Variants in SGCZ observed in about 807,000 individuals in gnomAD.
The protein encoded by SGCZ is zeta-sarcoglycan.
A neutral mutation model predicts 41.3 loss-of-function variants in SGCZ; 40 were observed. The observed-to-expected ratio is 0.97, with a 90% confidence interval of 0.75 to 1.26. The LOEUF (loss-of-function observed/expected upper bound fraction) is 1.26, where lower values mean the gene tolerates loss of function less well. Among genes scored for constraint, SGCZ ranks in the 50% most tolerant of loss-of-function variants. The pLI, the probability that SGCZ is intolerant of heterozygous loss-of-function variation, is 0.00. For missense variants in SGCZ, 552 were observed against 369.8 expected (o/e 1.49, Z -4.04); for synonymous variants, 206 against 137.5 (o/e 1.50, Z -3.49).
At chr8:14,838,084 C>G (rs966744490) in intron 1 of SGCZ, among the ~76,000 whole-genome samples, 1 of 151,982 alleles carries the variant, frequency 6.6e-6, no homozygotes, top group African/African-American at 2.4e-5. Context: ...TGAAATAATC[C>G]AGGCACAGAA....
At chr8:14,930,260 G>A (rs568990400) in intron 1 of SGCZ, among the ~76,000 whole-genome samples, 1 of 152,042 alleles carries the variant, frequency 6.6e-6, no homozygotes, top group African/African-American at 2.4e-5. Flanking sequence ...ATTGTCTAGA[G>A]AAATGCAAAT....
chr8:14,721,865 C>CTGTGCACA (rs59164388), intron 1 of SGCZ, among the ~76,000 whole-genome samples: 13,800 of 152,078 alleles, frequency 0.091, 1,369 homozygotes, highest in African/African-American at 0.25. Flanking sequence ...CCTACTCTCT[C>CTGTGCACA]TGTGCACAAC....
intron 1 of SGCZ, among the ~76,000 whole-genome samples, chr8:14,718,872 T>C (rs1014734340): frequency 1.6e-5 from 2 of 121,886 alleles, no homozygotes; most frequent in Non-Finnish European, 3.2e-5. Context: ...ATTATTATTA[T>C]ACTTTGTTTT....
intron 1 of SGCZ, among the ~76,000 whole-genome samples, chr8:14,670,463 T>A (rs949418497): frequency 2.6e-5 from 4 of 152,200 alleles, no homozygotes; most frequent in African/African-American, 9.6e-5. Flanking sequence ...TAATTGTGTT[T>A]GCAAGAACAA....
At chr8:15,187,613 A>G (rs1800386104) in intron 1 of SGCZ, among the ~76,000 whole-genome samples, 1 of 152,000 alleles carries the variant, frequency 6.6e-6, no homozygotes, top group Admixed American at 6.5e-5. Context: ...AGAACTTTTT[A>G]TTATAATAAT....
At chr8:14,810,297 T>C (rs1172204713) in intron 1 of SGCZ, among the ~76,000 whole-genome samples, 1 of 152,060 alleles carries the variant, frequency 6.6e-6, no homozygotes, top group Non-Finnish European at 1.5e-5. Flanking sequence ...TTGTGTTTGT[T>C]AGCCTGAAGT....
intron 2 of SGCZ, among the ~76,000 whole-genome samples, chr8:14,497,032 A>G (rs1235586181): frequency 1.3e-5 from 2 of 152,178 alleles, no homozygotes; most frequent in Admixed American, 6.5e-5. Flanking sequence ...TTGCAGTAGA[A>G]TTAACACTGA....
At chr8:14,393,842 C>T (rs966482491) in intron 2 of SGCZ, among the ~76,000 whole-genome samples, 1 of 152,128 alleles carries the variant, frequency 6.6e-6, no homozygotes, top group African/African-American at 2.4e-5. Context: ...CTTACAGATT[C>T]TAATGAACTC....
intron 1 of SGCZ, among the ~76,000 whole-genome samples, chr8:14,949,345 C>A (rs1052772149): frequency 6.6e-6 from 1 of 151,976 alleles, no homozygotes; most frequent in African/African-American, 2.4e-5. Flanking sequence ...TTAAAGTATG[C>A]AAATTGAATT....
intron 1 of SGCZ, among the ~76,000 whole-genome samples, chr8:14,563,433 G>A (rs556856269): frequency 6.6e-6 from 1 of 152,270 alleles, no homozygotes; most frequent in African/African-American, 2.4e-5. Context: ...AGTCGTTAAG[G>A]AAATGTACAA....
intron 1 of SGCZ, among the ~76,000 whole-genome samples, chr8:14,972,035 T>C (rs957656385): frequency 1.3e-5 from 2 of 152,324 alleles, no homozygotes; most frequent in Non-Finnish European, 1.5e-5. Flanking sequence ...TTTCGGGTTA[T>C]TACTGGCTTC....
chr8:15,207,242 A>C (rs937818344), intron 1 of SGCZ, among the ~76,000 whole-genome samples: 1 of 152,220 alleles, frequency 6.6e-6, no homozygotes, highest in Non-Finnish European at 1.5e-5. Flanking sequence ...AATGCTAGGC[A>C]AGCAATTAGA....
chr8:15,158,374 G>A (rs1799399278), intron 1 of SGCZ, among the ~76,000 whole-genome samples: 1 of 152,062 alleles, frequency 6.6e-6, no homozygotes, highest in Admixed American at 6.5e-5. Context: ...TTCTCCACAT[G>A]GCTGATATTT....
At chr8:14,142,061 G>A (rs1399301255) in intron 5 of SGCZ, among the ~76,000 whole-genome samples, 2 of 152,092 alleles carry the variant, frequency 1.3e-5, no homozygotes, top group Non-Finnish European at 2.9e-5. Context: ...GCAAACTATC[G>A]CAAGGACAGA....
intron 3 of SGCZ, among the ~76,000 whole-genome samples, chr8:14,274,321 A>G (rs1257346944): frequency 6.6e-6 from 1 of 152,156 alleles, no homozygotes; most frequent in Non-Finnish European, 1.5e-5. Flanking sequence ...ACAATCTTTT[A>G]GCACTGTTAA....
intron 1 of SGCZ, among the ~76,000 whole-genome samples, chr8:14,950,300 T>C (rs1001110766): frequency 6.6e-6 from 1 of 152,008 alleles, no homozygotes; most frequent in Admixed American, 6.6e-5. Flanking sequence ...CAAGCACATG[T>C]ATAATGTTTT....
At chr8:14,116,891 G>A (rs1292444719) in intron 5 of SGCZ, among the ~76,000 whole-genome samples, 1 of 152,034 alleles carries the variant, frequency 6.6e-6, no homozygotes, top group Non-Finnish European at 1.5e-5. Flanking sequence ...CATGCTCAGC[G>A]TTGATTACTG....
chr8:15,120,027 T>C lies in SGCZ; in HGVS notation c.39+117558A>G, dbSNP rs554633586. 1.4e-3 allele frequency among the ~76,000 whole-genome samples: 206 copies of C among 152,262 alleles called. 1 individual carries two copies. Among genetic ancestry groups the C allele is most frequent in the African/African-American group, 4.7e-3 (194 of 41,560 alleles). ...TTTGTAGAGATAGAGTCTTGCTATG[T>C]TTTCCAGGAGTCTTGCTATGTTTTC... On this transcript the variant is annotated intron_variant, in intron 1 of 7. Transcript: ENST00000382080.
intron 2 of SGCZ, among the ~76,000 whole-genome samples, chr8:14,535,997 G>A (rs1803285503): frequency 6.6e-6 from 1 of 151,790 alleles, no homozygotes; most frequent in African/African-American, 2.4e-5. Flanking sequence ...TAATCAATAA[G>A]CTTAGGTGGT....
Sources: gnomAD v4.1 joint callset for allele counts (sites outside exome capture counted in the v4.1 genomes callset) on GRCh38, gnomAD v4.1.1 for gene constraint, MANE v1.5 for transcripts, NCBI Gene and HGNC (gene_info 2026-07-23, HGNC 2026-07-21) for gene names.